PLCG2: variants seen among roughly 807,000 people sequenced by gnomAD.
PLCG2 encodes phospholipase C gamma 2.
A neutral mutation model predicts 175.6 loss-of-function variants in PLCG2; 69 were observed. The ratio of observed to expected loss-of-function variants is 0.39; its 90% CI spans 0.32 to 0.48. The LOEUF is 0.48. Among genes scored for constraint, PLCG2 ranks in the 20% least tolerant of loss-of-function variants. The pLI, the probability that PLCG2 is intolerant of heterozygous loss-of-function variation, is 0.91. For synonymous variants in PLCG2, 827 were observed against 624.0 expected, an observed-to-expected ratio of 1.33 and a Z score of -4.85; for missense variants, 1,798 against 1,650.9, an observed-to-expected ratio of 1.09 and a Z score of -1.54.
At chr16:81,922,572 G>C (rs1397151364) in intron 21 of PLCG2, among the ~76,000 whole-genome samples, 1 of 152,194 alleles carries the variant, frequency 6.6e-6, no homozygotes, top group Non-Finnish European at 1.5e-5. Context: ...ACAGACGGGG[G>C]AACTGAGGAT....
intron 1 of PLCG2, among the ~76,000 whole-genome samples, chr16:81,740,990 G>GA (rs1254250388): frequency 5.3e-5 from 8 of 152,222 alleles, no homozygotes; most frequent in Non-Finnish European, 1.5e-5. Context: ...AGTTTGAATA[G>GA]AGTTCTAATC....
chr16:81,783,645 G>C (rs984460534), intron 1 of PLCG2, among the ~76,000 whole-genome samples: 3 of 152,172 alleles, frequency 2.0e-5, no homozygotes, highest in African/African-American at 7.2e-5. Context: ...ATTTCCCATT[G>C]AGATAAATGA....
intron 2 of PLCG2, among the ~76,000 whole-genome samples, chr16:81,770,548 A>G (rs889213567): frequency 6.6e-6 from 1 of 152,124 alleles, no homozygotes; most frequent in Non-Finnish European, 1.5e-5. Context: ...CCTTGTCTCT[A>G]TAAATAAATA....
intron 2 of PLCG2, among the ~76,000 whole-genome samples, chr16:81,826,319 C>T (rs904602230): frequency 6.6e-5 from 10 of 152,116 alleles, no homozygotes; most frequent in Non-Finnish European, 1.0e-4. Flanking sequence ...ATGGGGGAAC[C>T]GAGAAAAGCA....
intron 27 of PLCG2, 115 bp downstream of exon 27, chr16:81,936,493 C>A: frequency 1.2e-6 from 1 of 801,654 alleles, no homozygotes. Flanking sequence ...GTGATTTGTC[C>A]GAGGGACTGC....
chr16:81,778,379 A>C (rs1910551601), upstream of PLCG2, among the ~76,000 whole-genome samples: 1 of 152,128 alleles, frequency 6.6e-6, no homozygotes. Context: ...CTTAGAAAAC[A>C]GAAGCTATAA....
chr16:81,795,325 G>C (rs145318165), intron 2 of PLCG2, among the ~76,000 whole-genome samples: 1 of 152,222 alleles, frequency 6.6e-6, no homozygotes, highest in Non-Finnish European at 1.5e-5. Context: ...CTGTAGAGGT[G>C]ATGTTTGAGC....
At chr16:81,816,681 T>TTA in intron 2 of PLCG2, among the ~76,000 whole-genome samples, 1 of 136,192 alleles carries the variant, frequency 7.3e-6, no homozygotes, top group Non-Finnish European at 1.6e-5. Context: ...TTTTTTTTTT[T>TTA]AGTAGAGGTG....
intron 8 of PLCG2, 44 bp from the exon 9 acceptor site, chr16:81,883,225 T>C (rs753988304): frequency 1.9e-6 from 3 of 1,566,950 alleles, no homozygotes; most frequent in Non-Finnish European, 2.6e-6. Context: ...ACTCCTCTGT[T>C]GAATGTGTCT....
At chr16:81,911,755 C>T (rs973141306) in intron 18 of PLCG2, among the ~76,000 whole-genome samples, 7 of 149,640 alleles carry the variant, frequency 4.7e-5, no homozygotes, top group Admixed American at 6.7e-5. Flanking sequence ...GTATTATAGG[C>T]GCACGCCACT....
chr16:81,922,424 G>C (rs1387077573), intron 21 of PLCG2, among the ~76,000 whole-genome samples: 1 of 152,150 alleles, frequency 6.6e-6, no homozygotes, highest in African/African-American at 2.4e-5. Context: ...ATACCTTAAG[G>C]CTTGGAATAA....
intron 5 of PLCG2, among the ~76,000 whole-genome samples, chr16:81,859,757 T>C (rs1333202074): frequency 1.3e-5 from 2 of 152,112 alleles, no homozygotes; most frequent in East Asian, 1.9e-4. Context: ...AGGATGGTCT[T>C]GAACTCCTGA....
chr16:81,946,454 T>G (rs1423094707), intron 31 of PLCG2, among the ~76,000 whole-genome samples, 191 bp downstream of exon 31: 1 of 152,160 alleles, frequency 6.6e-6, no homozygotes, highest in Non-Finnish European at 1.5e-5. Flanking sequence ...CCCAGCATCC[T>G]CCTTTCCTGG....
rs1908861048 is a variant in PLCG2 at position 81,895,861 on chromosome 16, G to A, written c.1127G>A (p.Arg376Gln). 1.2e-6 allele frequency: 2 copies of A among 1,614,078 alleles called. No homozygotes were observed. Among genetic ancestry groups the A allele is most frequent in the Non-Finnish European group, 1.7e-6 (2 of 1,179,992 alleles). ...GKPVIYHGWT[R>Q]TTKIKFDDVV... is the part of the protein sequence containing the mutation. ...CCGGTCATCTACCATGGCTGGACGC[G>A]GACTACCAAGATCAAGTTTGACGAC... Residue 376 changes from arginine to glutamine, a missense_variant, in exon 13 of 33, where the codon CGG becomes CAG. Transcript: ENST00000564138.
At chr16:81,947,183 A>G (rs1001096877) in intron 31 of PLCG2, among the ~76,000 whole-genome samples, 23 of 152,336 alleles carry the variant, frequency 1.5e-4, no homozygotes, top group African/African-American at 5.5e-4. Flanking sequence ...GAAAATTAGT[A>G]TATTTAAAAG....
At chr16:81,884,972 C>T (rs1341884018) in intron 9 of PLCG2, among the ~76,000 whole-genome samples, 1 of 152,086 alleles carries the variant, frequency 6.6e-6, no homozygotes, top group Non-Finnish European at 1.5e-5. Flanking sequence ...ACTGCAGCCT[C>T]GACCTCCTGG....
intron 20 of PLCG2, 146 bp downstream of exon 20, chr16:81,919,810 G>C (rs1219275848): frequency 1.4e-5 from 9 of 655,490 alleles, no homozygotes; most frequent in Admixed American, 2.9e-5. Flanking sequence ...GCACAACAAA[G>C]ACCCTGCCGT....
chr16:81,841,596 T>G (rs368517722), intron 2 of PLCG2, among the ~76,000 whole-genome samples: 129 of 152,278 alleles, frequency 8.5e-4, no homozygotes, highest in African/African-American at 3.0e-3. Flanking sequence ...AGGGTGTATG[T>G]TCTTTTTCCA....
chr16:81,850,739 A>T (rs1398786861), intron 2 of PLCG2, among the ~76,000 whole-genome samples: 1 of 152,196 alleles, frequency 6.6e-6, no homozygotes, highest in African/African-American at 2.4e-5. Flanking sequence ...GTGTAACAGC[A>T]TAGAGAGCTT....
Sources: allele counts gnomAD v4.1 joint callset (sites outside exome capture counted in the v4.1 genomes callset), GRCh38; gene constraint gnomAD v4.1.1; transcripts MANE v1.5; gene names NCBI Gene and HGNC (gene_info 2026-07-23, HGNC 2026-07-21).